The following THSD7B variants were observed in gnomAD, a reference collection of about 807,000 sequenced individuals.
The protein encoded by THSD7B is thrombospondin type 1 domain containing 7B.
A neutral mutation model predicts 213.6 loss-of-function variants in THSD7B; 138 were observed. The ratio of observed to expected loss-of-function variants is 0.65; its 90% CI spans 0.56 to 0.74. The LOEUF is 0.74. Among genes scored for constraint, THSD7B ranks in the 30% least tolerant of loss-of-function variants. The pLI is 0.00. For missense variants in THSD7B, 1,931 were observed against 1,991.5 expected (o/e 0.97, Z 0.58); for synonymous variants, 742 against 687.0 (o/e 1.08, Z -1.25).
intron 15 of THSD7B, among the ~76,000 whole-genome samples, chr2:137,489,365 A>C (rs1688554343): frequency 2.0e-5 from 3 of 152,010 alleles, no homozygotes; most frequent in African/African-American, 7.2e-5. Flanking sequence ...CAGAGATTGC[A>C]GTGAGCCAAG....
chr2:137,219,300 T>G (rs1211381185), intron 7 of THSD7B, among the ~76,000 whole-genome samples: 1 of 152,172 alleles, frequency 6.6e-6, no homozygotes, highest in Admixed American at 6.6e-5. Context: ...TCAGTGATGT[T>G]TGCCTGCCTT....
At chr2:137,627,561 ATGT>A (rs952896010) in intron 20 of THSD7B, among the ~76,000 whole-genome samples, 3 of 152,176 alleles carry the variant, frequency 2.0e-5, no homozygotes, top group Non-Finnish European at 4.4e-5. Flanking sequence ...GTATGTGCTG[ATGT>A]TGTTGATAAT....
At chr2:137,128,779 A>G (rs377012115) in intron 5 of THSD7B, among the ~76,000 whole-genome samples, 4 of 152,308 alleles carry the variant, frequency 2.6e-5, no homozygotes, top group African/African-American at 9.6e-5. Flanking sequence ...CTTTTTACTG[A>G]CACTAATTTA....
intron 16 of THSD7B, 21 bp from the exon 17 acceptor site, chr2:137,572,385 T>A: frequency 6.2e-7 from 1 of 1,613,402 alleles, no homozygotes; most frequent in South Asian, 1.1e-5. Flanking sequence ...AATCAAACTA[T>A]CTTGTGACCT....
At chr2:137,404,549 ATATATT>A (rs1292503047) in intron 12 of THSD7B, among the ~76,000 whole-genome samples, 11 of 96,434 alleles carry the variant, frequency 1.1e-4, no homozygotes, top group African/African-American at 2.2e-4. Context: ...CACACATACT[ATATATT>A]TATATACACA....
intron 2 of THSD7B, among the ~76,000 whole-genome samples, chr2:136,938,638 T>C (rs909701757): frequency 6.6e-6 from 1 of 152,226 alleles, no homozygotes; most frequent in Non-Finnish European, 1.5e-5. Flanking sequence ...TTCTCTGCTT[T>C]TGTTGCAGCA....
intron 2 of THSD7B, among the ~76,000 whole-genome samples, chr2:136,908,584 T>C (rs568224521): frequency 7.2e-5 from 11 of 152,314 alleles, no homozygotes; most frequent in Admixed American, 1.3e-4. Flanking sequence ...TGGGGAGCCA[T>C]ATGTCTGTAC....
intron 15 of THSD7B, among the ~76,000 whole-genome samples, chr2:137,497,558 G>A (rs1356899314): frequency 6.6e-6 from 1 of 151,684 alleles, no homozygotes; most frequent in Non-Finnish European, 1.5e-5. Flanking sequence ...GAATATATAT[G>A]TATCAAACAT....
At chr2:137,501,849 CA>C (rs1404818161) in intron 15 of THSD7B, among the ~76,000 whole-genome samples, 1 of 152,168 alleles carries the variant, frequency 6.6e-6, no homozygotes, top group East Asian at 1.9e-4. Flanking sequence ...GGGTAGTTAA[CA>C]GAAATCTAAG....
At chr2:137,507,224 T>C (rs992829082) in intron 15 of THSD7B, among the ~76,000 whole-genome samples, 1 of 152,182 alleles carries the variant, frequency 6.6e-6, no homozygotes, top group African/African-American at 2.4e-5. Context: ...AAAGTAACCT[T>C]CCGGCTTCTC....
intron 14 of THSD7B, among the ~76,000 whole-genome samples, chr2:137,446,679 G>A (rs1687548059): frequency 6.6e-6 from 1 of 152,064 alleles, no homozygotes; most frequent in African/African-American, 2.4e-5. Context: ...AGTATCCCTA[G>A]GCCAAGTAAT....
rs11383871 is a variant in THSD7B at position 137,508,376 on chromosome 2, A to ATTTTT, written c.3139-54829_3139-54825dup. 1.1e-4 allele frequency among the ~76,000 whole-genome samples: 12 copies of ATTTTT among 107,948 alleles called. 1 individual carries two copies. The highest frequency in any genetic ancestry group is 1.6e-4 in the Non-Finnish European group (9 of 56,638). 70.8% of individuals were successfully genotyped at this position (107,948 alleles called of 152,430 possible). A position where few individuals can be genotyped will look rare whatever the true frequency, so the allele number is the denominator to read the frequency against. The stretch of plus-strand genomic sequence containing the variant: ...TGCCAGGCTTCTGCTAAATAAAACA[A>ATTTTT]TTTTTTTTTTTTTTTTTTTTGAGAC... On this transcript the variant is annotated intron_variant, in intron 15 of 27. Coordinates refer to ENST00000409968, the MANE Select transcript of THSD7B (RefSeq NM_001316349.2).
intron 12 of THSD7B, among the ~76,000 whole-genome samples, chr2:137,389,193 C>CATGT (rs1553445641): frequency 7.9e-5 from 10 of 127,298 alleles, no homozygotes; most frequent in Middle Eastern, 3.8e-3. Flanking sequence ...ATATATCTGT[C>CATGT]ATATATATAT....
chr2:136,880,021 A>G (rs1205451969), intron 1 of THSD7B, among the ~76,000 whole-genome samples: 1 of 152,194 alleles, frequency 6.6e-6, no homozygotes, highest in Non-Finnish European at 1.5e-5. Context: ...ATAATGGGAA[A>G]CTATAACACC....
At chr2:137,318,467 C>T (rs183454584) in intron 12 of THSD7B, among the ~76,000 whole-genome samples, 15 of 152,056 alleles carry the variant, frequency 9.9e-5, no homozygotes, top group Non-Finnish European at 1.3e-4. Flanking sequence ...CAATATAGGG[C>T]CAATCTTATC....
intron 11 of THSD7B, 57 bp downstream of exon 11, chr2:137,272,719 TC>T: frequency 6.4e-7 from 1 of 1,563,124 alleles, no homozygotes; most frequent in Non-Finnish European, 8.7e-7. Flanking sequence ...TAACCTATTT[TC>T]TTTCACATAA....
chr2:137,102,103 C>T (rs1368983764), intron 4 of THSD7B, among the ~76,000 whole-genome samples: 1 of 152,214 alleles, frequency 6.6e-6, no homozygotes, highest in Non-Finnish European at 1.5e-5. Context: ...TTGGAGACAC[C>T]TCCCTGCAGG....
At chr2:136,946,420 G>T (rs745469627) in intron 2 of THSD7B, among the ~76,000 whole-genome samples, 8 of 152,170 alleles carry the variant, frequency 5.3e-5, no homozygotes, top group Non-Finnish European at 1.0e-4. Flanking sequence ...GTGTCTCCCA[G>T]TTAGGCTACA....
intron 12 of THSD7B, among the ~76,000 whole-genome samples, chr2:137,376,234 C>G (rs1412120880): frequency 1.3e-5 from 2 of 152,174 alleles, no homozygotes; most frequent in African/African-American, 4.8e-5. Context: ...AATGATGCTG[C>G]ATTCATTATC....
Sources: allele counts gnomAD v4.1 joint callset (sites outside exome capture counted in the v4.1 genomes callset), GRCh38; gene constraint gnomAD v4.1.1; transcripts MANE v1.5; gene names NCBI Gene and HGNC (gene_info 2026-07-23, HGNC 2026-07-21).